The following SLC22A3 variants were observed in gnomAD, a reference collection of about 807,000 sequenced individuals.
SLC22A3 encodes the protein solute carrier family 22 member 3.
Under a neutral mutation model 59.1 loss-of-function variants are expected in SLC22A3, and 51 were observed. The observed-to-expected ratio is 0.86, with a 90% CI of 0.69 to 1.09. SLC22A3 has a LOEUF of 1.09. Among genes scored for constraint, SLC22A3 ranks in the 50% least tolerant of loss-of-function variants. The probability of loss-of-function intolerance (pLI) is 0.00; values close to 1 mark genes in which losing one functional copy is unlikely to be tolerated. For missense variants in SLC22A3, 711 were observed against 726.3 expected (o/e 0.98, Z 0.24); for synonymous variants, 325 against 292.0 (o/e 1.11, Z -1.15).
chr6:160,348,604 G>C lies in SLC22A3; in HGVS notation c.185G>C (p.Arg62Pro). Reference protein sequence around the residue: ...RGPSAAALAERCGWSPEEEWN... With the variant: ...RGPSAAALAEPCGWSPEEEWN... ...CCAAGTGCCGCGGCGCTGGCCGAGC[G>C]CTGCGGCTGGAGCCCGGAGGAGGAG... The change falls in exon 1 of 11, where the codon CGC becomes CCC. Residue 62 changes from arginine to proline, a missense_variant. Coordinates refer to ENST00000275300, the MANE Select transcript of SLC22A3 (RefSeq NM_021977.4). 1 of 1,509,610 alleles carries C rather than the reference G, an allele frequency of 6.6e-7. No individual in the cohort carries two copies. The highest frequency in any genetic ancestry group is 8.8e-7 in the Non-Finnish European group (1 of 1,137,194). 93.5% of individuals were successfully genotyped at this position (1,509,610 alleles called of 1,614,324 possible). A position where few individuals can be genotyped will look rare whatever the true frequency, so the allele number is the denominator to read the frequency against.
chr6:160,403,324 T>A (rs1786868720), intron 2 of SLC22A3, among the ~76,000 whole-genome samples: 1 of 151,832 alleles, frequency 6.6e-6, no homozygotes. Context: ...CTTGAAAGAT[T>A]ACAATCTGCC....
intron 5 of SLC22A3, among the ~76,000 whole-genome samples, chr6:160,418,337 C>T (rs1011873559): frequency 6.6e-6 from 1 of 152,180 alleles, no homozygotes. Context: ...GAGTGGTTTG[C>T]CAGGGGCTCT....
intron 1 of SLC22A3, among the ~76,000 whole-genome samples, chr6:160,386,229 T>C (rs1786008254): frequency 6.6e-6 from 1 of 152,236 alleles, no homozygotes; most frequent in Admixed American, 6.5e-5. Context: ...TCTGCCCATA[T>C]ATCTCACTCT....
chr6:160,351,049 A>G (rs183210809), intron 1 of SLC22A3, among the ~76,000 whole-genome samples: 1 of 152,376 alleles, frequency 6.6e-6, no homozygotes, highest in African/African-American at 2.4e-5. Flanking sequence ...GAATGATATT[A>G]GGAATGTACC....
chr6:160,386,095 G>A (rs1163510609), intron 1 of SLC22A3, among the ~76,000 whole-genome samples: 1 of 152,240 alleles, frequency 6.6e-6, no homozygotes, highest in East Asian at 1.9e-4. Flanking sequence ...CTTCTGCAGA[G>A]CAGGGTGCAC....
chr6:160,372,073 G>A (rs890318048), intron 1 of SLC22A3, among the ~76,000 whole-genome samples: 1 of 152,154 alleles, frequency 6.6e-6, no homozygotes, highest in Non-Finnish European at 1.5e-5. Flanking sequence ...TGGGATGACA[G>A]TGTAAAGTCT....
intron 9 of SLC22A3, among the ~76,000 whole-genome samples, chr6:160,444,187 T>C (rs1001443893): frequency 7.2e-5 from 11 of 151,996 alleles, no homozygotes; most frequent in African/African-American, 2.4e-4. Context: ...TTGGGCAACA[T>C]AGCAAGACTG....
chr6:160,410,989 T>TAC lies in SLC22A3; in HGVS notation c.975+158_975+159dup, dbSNP rs3066964. 4.9e-3 allele frequency: 2,238 copies of TAC among 456,318 alleles called. 43 individuals carry two copies. The highest frequency in any genetic ancestry group is 0.036 in the African/African-American group (1,798 of 49,428). 28.3% of individuals were successfully genotyped at this position (456,318 alleles called of 1,614,324 possible). A position where few individuals can be genotyped will look rare whatever the true frequency, so the allele number is the denominator to read the frequency against. On this transcript the variant is annotated intron_variant, in intron 5 of 10. Transcript: ENST00000275300. Reference sequence around the variant, plus strand: ...ATATATGTATGTATGTATATATGTATACACACACACACACACTACCAAACA... The same window carrying TAC: ...ATATATGTATGTATGTATATATGTATACACACACACACACACACTACCAAACA...
intron 1 of SLC22A3, among the ~76,000 whole-genome samples, chr6:160,368,051 G>T (rs977893621): frequency 6.6e-6 from 1 of 152,022 alleles, no homozygotes; most frequent in African/African-American, 2.4e-5. Flanking sequence ...AGTTCCCGGT[G>T]TCCTGATATT....
At chr6:160,410,591 G>A in intron 4 of SLC22A3, 138 bp from the exon 5 acceptor site, 1 of 682,494 alleles carries the variant, frequency 1.5e-6, no homozygotes, top group East Asian at 2.7e-5. Context: ...CTGTATTTCA[G>A]GGACCTATTA....
intron 2 of SLC22A3, among the ~76,000 whole-genome samples, chr6:160,399,852 G>A (rs1786688786): frequency 6.6e-6 from 1 of 152,086 alleles, no homozygotes; most frequent in African/African-American, 2.4e-5. Flanking sequence ...TAAGAGAAGT[G>A]AGATTACAGG....
At chr6:160,353,886 G>A (rs1308513117) in intron 1 of SLC22A3, among the ~76,000 whole-genome samples, 4 of 152,106 alleles carry the variant, frequency 2.6e-5, no homozygotes, top group Non-Finnish European at 5.9e-5. Context: ...AGCACACCCT[G>A]GAGACTCTCA....
chr6:160,385,068 A>G (rs139659244), intron 1 of SLC22A3, among the ~76,000 whole-genome samples: 9 of 152,258 alleles, frequency 5.9e-5, no homozygotes, highest in East Asian at 1.9e-4. Context: ...TTCATCTCCA[A>G]TGATTCCTTT....
chr6:160,424,961 C>T (rs1787893622), intron 5 of SLC22A3, among the ~76,000 whole-genome samples: 1 of 152,194 alleles, frequency 6.6e-6, no homozygotes, highest in Non-Finnish European at 1.5e-5. Context: ...ACACATTTTT[C>T]TAAAGACATT....
In SLC22A3 at chr6:160,386,574, C is replaced by T. The variant is rs543831400; in HGVS notation, c.430-11405C>T. ...TGGGAAGGGGAAGTATAGGCCCAGGCGGGCAGAGTGAGGGAAGGGGAGTGG... is the reference window on the plus strand; with the variant it reads ...TGGGAAGGGGAAGTATAGGCCCAGGTGGGCAGAGTGAGGGAAGGGGAGTGG... On this transcript the variant is annotated intron_variant, in intron 1 of 10. Coordinates refer to ENST00000275300, the MANE Select transcript of SLC22A3 (RefSeq NM_021977.4). Among the ~76,000 whole-genome samples, 28 of 152,258 alleles carry T rather than the reference C, an allele frequency of 1.8e-4. No individual in the cohort carries two copies. In the East Asian group the frequency reaches 4.8e-3, roughly 26 times the overall value.
chr6:160,358,944 G>C (rs984851889), intron 1 of SLC22A3, among the ~76,000 whole-genome samples: 4 of 152,190 alleles, frequency 2.6e-5, no homozygotes, highest in Admixed American at 2.6e-4. Context: ...CTCAGCTGTG[G>C]GGCTGCAGGG....
At chr6:160,375,553 A>G (rs1373405385) in intron 1 of SLC22A3, among the ~76,000 whole-genome samples, 1 of 152,192 alleles carries the variant, frequency 6.6e-6, no homozygotes, top group Non-Finnish European at 1.5e-5. Flanking sequence ...CAACTTTTTT[A>G]TACCAGTTTC....
intron 1 of SLC22A3, among the ~76,000 whole-genome samples, chr6:160,368,283 C>T (rs1269114920): frequency 1.3e-5 from 2 of 152,150 alleles, no homozygotes; most frequent in African/African-American, 4.8e-5. Flanking sequence ...CCCATAGCTT[C>T]CTTCTAACCC....
chr6:160,428,108 A>T (rs2661839), intron 5 of SLC22A3, among the ~76,000 whole-genome samples: 35,047 of 148,730 alleles, frequency 0.24, 5,115 homozygotes, highest in Non-Finnish European at 0.33. Flanking sequence ...CAAACAAAAA[A>T]TAAAAATAAA....
Sources: allele counts gnomAD v4.1 joint callset (sites outside exome capture counted in the v4.1 genomes callset), GRCh38; gene constraint gnomAD v4.1.1; transcripts MANE v1.5; gene names NCBI Gene and HGNC (gene_info 2026-07-23, HGNC 2026-07-21).